Variants in PSD3 observed in about 807,000 individuals in gnomAD.
The protein encoded by PSD3 is pleckstrin and Sec7 domain containing 3.
Under a neutral mutation model 105.5 loss-of-function variants are expected in PSD3, and 49 were observed. The ratio of observed to expected loss-of-function variants is 0.46; its 90% CI spans 0.37 to 0.59. The LOEUF (loss-of-function observed/expected upper bound fraction) is 0.59. PSD3 is among the 20% of genes least tolerant of loss of function. The probability of loss-of-function intolerance (pLI) is 0.00; values close to 1 mark genes in which losing one functional copy is unlikely to be tolerated. For synonymous variants in PSD3, 557 were observed against 457.8 expected (o/e 1.22, Z -2.77); for missense variants, 1,561 against 1,263.8 (o/e 1.24, Z -3.57).
At chr8:19,011,559 C>G (rs192879255) in intron 1 of PSD3, among the ~76,000 whole-genome samples, 1 of 152,064 alleles carries the variant, frequency 6.6e-6, no homozygotes, top group East Asian at 1.9e-4. Flanking sequence ...TTTCCAAATT[C>G]CCAAGATTTA....
chr8:18,757,520 G>T (rs900427147), intron 9 of PSD3, among the ~76,000 whole-genome samples: 2 of 152,068 alleles, frequency 1.3e-5, no homozygotes, highest in African/African-American at 2.4e-5. Flanking sequence ...TCTACTCTTT[G>T]TTTCTTTTCT....
At chr8:18,763,313 A>C (rs567079066) in intron 9 of PSD3, among the ~76,000 whole-genome samples, 1 of 152,130 alleles carries the variant, frequency 6.6e-6, no homozygotes, top group South Asian at 2.1e-4. Flanking sequence ...TATTTCACAC[A>C]AAAAAAACTT....
At chr8:18,815,321 G>T (rs1391799321) in intron 4 of PSD3, among the ~76,000 whole-genome samples, 1 of 151,986 alleles carries the variant, frequency 6.6e-6, no homozygotes, top group Non-Finnish European at 1.5e-5. Context: ...GGGGTTGGAG[G>T]TGTGGGGGAT....
chr8:18,674,972 G>C (rs74382763), intron 9 of PSD3, among the ~76,000 whole-genome samples: 4,807 of 152,018 alleles, frequency 0.032, 187 homozygotes, highest in East Asian at 0.15. Context: ...CTGCACTCCA[G>C]CTTGGGTGAC....
Position 18,812,028 on chromosome 8 carries a change from T to C in PSD3, c.1635-7130A>G, listed in dbSNP as rs545772819. Among the ~76,000 whole-genome samples, 8 of 152,330 alleles carry C rather than the reference T, an allele frequency of 5.3e-5. No homozygotes were observed. In the South Asian group the frequency reaches 8.3e-4, roughly 16 times the overall value. ...AATAACGATTGCTTACTAATAGATG[T>C]GTGTGCCTCTGGGCCATATGACTTC... On this transcript the variant is annotated intron_variant, in intron 4 of 15. Coordinates refer to ENST00000327040, the MANE Select transcript of PSD3 (RefSeq NM_015310.4).
intron 15 of PSD3, among the ~76,000 whole-genome samples, chr8:18,547,082 C>T (rs1409988146): frequency 6.6e-6 from 1 of 152,106 alleles, no homozygotes; most frequent in Non-Finnish European, 1.5e-5. Flanking sequence ...GTCTCGTGTG[C>T]AGGATCTGAG....
intron 1 of PSD3, among the ~76,000 whole-genome samples, chr8:19,028,965 C>T (rs1827662941): frequency 6.6e-6 from 1 of 152,254 alleles, no homozygotes; most frequent in East Asian, 1.9e-4. Flanking sequence ...TATTGAAAAT[C>T]AATTGACCAT....
chr8:18,822,651 C>T (rs1388670194), intron 4 of PSD3, among the ~76,000 whole-genome samples: 1 of 152,182 alleles, frequency 6.6e-6, no homozygotes, highest in Admixed American at 6.5e-5. Flanking sequence ...AACCACTAAG[C>T]AATTCCCAAC....
chr8:18,558,316 A>G (rs1801199726), intron 14 of PSD3, among the ~76,000 whole-genome samples: 2 of 152,228 alleles, frequency 1.3e-5, no homozygotes, highest in Non-Finnish European at 2.9e-5. Context: ...GACCACTTCA[A>G]AAAATAAAAG....
intron 1 of PSD3, among the ~76,000 whole-genome samples, chr8:19,067,880 C>G (rs1372603203): frequency 6.6e-6 from 1 of 152,220 alleles, no homozygotes; most frequent in African/African-American, 2.4e-5. Flanking sequence ...TACCCATGCA[C>G]TCTATCTTTT....
chr8:18,991,758 T>C lies in PSD3; in HGVS notation c.21+21805A>G, dbSNP rs114454262. ...CTAAAGTAAAAATAAATTAAGGGTC[T>C]GAATTAGCACCCTCAATCTAGCTTC... On this transcript the variant is annotated intron_variant, in intron 1 of 15. Transcript: ENST00000327040. Among the ~76,000 whole-genome samples the C allele has an allele frequency of 1.2e-3, 190 of 152,326 alleles. 1 individual carries two copies. The highest frequency in any genetic ancestry group is 4.5e-3 in the African/African-American group (187 of 41,584).
intron 12 of PSD3, among the ~76,000 whole-genome samples, chr8:18,595,972 G>A (rs574173234): frequency 1.3e-5 from 2 of 152,050 alleles, no homozygotes; most frequent in African/African-American, 4.8e-5. Context: ...AAGTGCACAT[G>A]GAACATTCTC....
chr8:18,633,974 T>G (rs1037237008), intron 10 of PSD3, among the ~76,000 whole-genome samples: 2 of 138,898 alleles, frequency 1.4e-5, no homozygotes, highest in African/African-American at 2.7e-5. Flanking sequence ...TGGTGTCAGA[T>G]GGTATCTCAT....
At chr8:19,074,611 A>ATATATATATATATATT (rs1324257417) in intron 1 of PSD3, among the ~76,000 whole-genome samples, 10 of 24,206 alleles carry the variant, frequency 4.1e-4, no homozygotes, top group African/African-American at 1.1e-3. Flanking sequence ...ATATATATAT[A>ATATATATATATATATT]TTTTTTTTTT....
At chr8:18,889,437 T>C (rs1818646874) in intron 2 of PSD3, among the ~76,000 whole-genome samples, 1 of 152,058 alleles carries the variant, frequency 6.6e-6, no homozygotes. Flanking sequence ...CAGCAGGTAA[T>C]ATTCCCCCAT....
intron 12 of PSD3, among the ~76,000 whole-genome samples, chr8:18,592,078 T>C (rs1320830578): frequency 6.6e-6 from 1 of 151,924 alleles, no homozygotes; most frequent in African/African-American, 2.4e-5. Context: ...TTCCAGAAAT[T>C]GACCGTAAAG....
chr8:18,622,451 A>T (rs368312456), intron 11 of PSD3, among the ~76,000 whole-genome samples: 1 of 152,210 alleles, frequency 6.6e-6, no homozygotes, highest in African/African-American at 2.4e-5. Context: ...CTAGATGAGA[A>T]TTTAACAAAC....
At chr8:18,942,649 A>C (rs926443812) in intron 1 of PSD3, among the ~76,000 whole-genome samples, 5 of 152,248 alleles carry the variant, frequency 3.3e-5, no homozygotes, top group African/African-American at 1.2e-4. Flanking sequence ...CGACAGGCAC[A>C]CACTGAGAAA....
intron 10 of PSD3, among the ~76,000 whole-genome samples, chr8:18,642,089 T>C (rs1029343486): frequency 1.3e-5 from 2 of 152,156 alleles, no homozygotes; most frequent in African/African-American, 2.4e-5. Flanking sequence ...CTGCCAGATA[T>C]GAGAAAGATG....
Sources: allele counts gnomAD v4.1 joint callset (sites outside exome capture counted in the v4.1 genomes callset), GRCh38; gene constraint gnomAD v4.1.1; transcripts MANE v1.5; gene names NCBI Gene and HGNC (gene_info 2026-07-23, HGNC 2026-07-21).